LPA: variants seen among roughly 807,000 people sequenced by gnomAD.
The protein encoded by LPA is lipoprotein(a).
Under a neutral mutation model 197.9 loss-of-function variants are expected in LPA, and 199 were observed. That is an observed-to-expected ratio of 1.01 (90% CI 0.90 to 1.13). LPA has a LOEUF of 1.13. Ranked by LOEUF, LPA falls within the 50% of genes most tolerant of loss-of-function variation. The pLI is 0.00. For synonymous variants in LPA, 715 were observed against 639.5 expected, an observed-to-expected ratio of 1.12 and a Z score of -1.78; for missense variants, 1,853 against 1,785.8, an observed-to-expected ratio of 1.04 and a Z score of -0.68.
chr6:160,573,213 T>C (rs969471684), intron 28 of LPA, among the ~76,000 whole-genome samples: 1 of 152,206 alleles, frequency 6.6e-6, no homozygotes, highest in African/African-American at 2.4e-5. Flanking sequence ...TTTCTACTTG[T>C]TCAGTTCTAT....
At chr6:160,595,065 T>C (rs1366210901) in intron 21 of LPA, among the ~76,000 whole-genome samples, 1 of 152,188 alleles carries the variant, frequency 6.6e-6, no homozygotes, top group Non-Finnish European at 1.5e-5. Flanking sequence ...TAGAATATTC[T>C]TCTGGCTAAG....
At chr6:160,540,536 T>C (rs1777964760) in intron 35 of LPA, among the ~76,000 whole-genome samples, 1 of 152,160 alleles carries the variant, frequency 6.6e-6, no homozygotes, top group South Asian at 2.1e-4. Flanking sequence ...GAGCTCTCAC[T>C]CTTAGTTCTT....
intron 1 of LPA, among the ~76,000 whole-genome samples, chr6:160,651,523 A>G (rs1780005269): frequency 6.6e-6 from 1 of 152,240 alleles, no homozygotes; most frequent in South Asian, 2.1e-4. Flanking sequence ...GACTCAATTG[A>G]CCACAAAACA....
intron 20 of LPA, among the ~76,000 whole-genome samples, chr6:160,596,810 C>A (rs1240589393): frequency 1.3e-5 from 2 of 152,128 alleles, no homozygotes; most frequent in Admixed American, 1.3e-4. Flanking sequence ...CTGTTTTTCC[C>A]TAAGAGCATC....
chr6:160,548,737 C>G (rs1380901117), intron 30 of LPA, 78 bp from the exon 31 acceptor site: 1 of 1,456,038 alleles, frequency 6.9e-7, no homozygotes, highest in African/African-American at 1.4e-5. Context: ...ACATTTTGTT[C>G]TAACAAAGTC....
chr6:160,591,900 A>T (rs1779036852), intron 22 of LPA, among the ~76,000 whole-genome samples: 1 of 152,264 alleles, frequency 6.6e-6, no homozygotes, highest in Non-Finnish European at 1.5e-5. Context: ...CTGTGGTCTT[A>T]GATCAACTGT....
At chr6:160,544,076 A>T (rs1306052036) in intron 33 of LPA, among the ~76,000 whole-genome samples, 1 of 152,144 alleles carries the variant, frequency 6.6e-6, no homozygotes, top group African/African-American at 2.4e-5. Context: ...ATACATCCTC[A>T]ATGTGGGTGA....
chr6:160,548,367 C>G, intron 31 of LPA, 111 bp downstream of exon 31: 1 of 1,099,718 alleles, frequency 9.1e-7, no homozygotes, highest in South Asian at 1.3e-5. Context: ...CTCGAGCTCC[C>G]GTGTAGCACT....
At position 160,542,832 on chromosome 6, in the gene LPA, A is replaced by C. The variant is rs777374967; in HGVS notation, c.5399-24T>G. 2.5e-6 allele frequency: 4 copies of C among 1,613,718 alleles called. No homozygotes were observed. The South Asian group carries it at 4.4e-5, about 18-fold the overall frequency. On this transcript the variant is annotated intron_variant, in intron 33 of 38. Coordinates refer to ENST00000316300, the MANE Select transcript of LPA (RefSeq NM_005577.4). ...TGCTGTGGCACAAGGTGGGAAAAGA[A>C]GTCGCATTTGAGTCCAAGTTAGCAA...
chr6:160,611,043 G>T (rs746673539), intron 16 of LPA, among the ~76,000 whole-genome samples: 1 of 152,056 alleles, frequency 6.6e-6, no homozygotes, highest in Non-Finnish European at 1.5e-5. Flanking sequence ...TTCTCTTGCT[G>T]GGAACCTCTA....
intron 28 of LPA, among the ~76,000 whole-genome samples, chr6:160,560,894 T>C (rs1476057440): frequency 6.6e-6 from 1 of 152,074 alleles, no homozygotes; most frequent in Non-Finnish European, 1.5e-5. Flanking sequence ...TGTTTTCTTC[T>C]AGGGTTTGAT....
chr6:160,545,455 C>A lies in LPA; in HGVS notation c.5383G>T (p.Asp1795Tyr). 2.5e-6 allele frequency: 4 copies of A among 1,606,402 alleles called. No homozygotes were observed. The highest frequency in any genetic ancestry group is 3.4e-6 in the Non-Finnish European group (4 of 1,173,494). Residue 1795 changes from aspartate (D) to tyrosine (Y), a missense_variant, in exon 33 of 39, where the codon GAT (aspartate) becomes TAT (tyrosine). Physicochemically the swap from Asp to Tyr is radical, Grantham distance 160 (BLOSUM62 -3). Transcript: ENST00000316300. ...GGCAACTTACCACAGAGAGGGATAT[C>A]ACAGTAGTCAAAAAGTTTTCTTGGA... ...MNPRKLFDYC[D>Y]IPLCASSSFD...
At chr6:160,552,373 A>G (rs552864711) in intron 30 of LPA, among the ~76,000 whole-genome samples, 1 of 152,302 alleles carries the variant, frequency 6.6e-6, no homozygotes, top group South Asian at 2.1e-4. Flanking sequence ...CTTTTAATCT[A>G]TAAGCATGGT....
rs559435190 is a variant in LPA at position 160,609,522 on chromosome 6, GT to G, written c.2603+2039del. Among the ~76,000 whole-genome samples, 1,104 of 151,724 alleles carry G rather than the reference GT, an allele frequency of 7.3e-3. 7 individuals carry two copies. The highest frequency in any genetic ancestry group is 0.013 in the Non-Finnish European group (873 of 67,912). On this transcript the variant is annotated intron_variant, in intron 16 of 38. Coordinates refer to ENST00000316300, the MANE Select transcript of LPA (RefSeq NM_005577.4). Reference sequence around the variant, plus strand: ...GTGATGTAGAGAAGTGCATCATGTAGTTTTTTTTCTCGAAATTTCCTATTTG... The same window carrying G: ...GTGATGTAGAGAAGTGCATCATGTAGTTTTTTTCTCGAAATTTCCTATTTG...
intron 4 of LPA, among the ~76,000 whole-genome samples, chr6:160,643,139 A>G (rs1779869580): frequency 6.7e-6 from 1 of 148,394 alleles, no homozygotes; most frequent in Admixed American, 6.8e-5. Flanking sequence ...GGTTCTCTAG[A>G]ATTGTGTGTT....
chr6:160,660,282 G>A (rs966195337), intron 1 of LPA, among the ~76,000 whole-genome samples: 4 of 152,096 alleles, frequency 2.6e-5, no homozygotes, highest in East Asian at 3.9e-4. Context: ...CACAGTGAGC[G>A]ACTGCTGGGC....
At chr6:160,655,640 C>A (rs1300471772) in intron 1 of LPA, among the ~76,000 whole-genome samples, 3 of 152,210 alleles carry the variant, frequency 2.0e-5, no homozygotes, top group Non-Finnish European at 1.5e-5. Flanking sequence ...GGAATATCTC[C>A]ATAGGTCTCA....
chr6:160,647,141 C>T (rs1345418558), intron 2 of LPA, among the ~76,000 whole-genome samples: 1 of 152,198 alleles, frequency 6.6e-6, no homozygotes, highest in Admixed American at 6.5e-5. Flanking sequence ...CTATCCTCTG[C>T]TGTCCACAGC....
At chr6:160,607,474 G>T (rs1262217281) in intron 16 of LPA, among the ~76,000 whole-genome samples, 1 of 152,132 alleles carries the variant, frequency 6.6e-6, no homozygotes, top group Admixed American at 6.5e-5. Flanking sequence ...AAGGAAGATG[G>T]CAGGGTAGAC....
Sources: gnomAD v4.1 joint callset for allele counts (sites outside exome capture counted in the v4.1 genomes callset) on GRCh38, gnomAD v4.1.1 for gene constraint, MANE v1.5 for transcripts, NCBI Gene and HGNC (gene_info 2026-07-23, HGNC 2026-07-21) for gene names.